DENND5B: variants seen among roughly 807,000 people sequenced by gnomAD.
DENND5B encodes the protein DENN domain containing 5B.
DENND5B carries 34 observed loss-of-function variants against 140.6 expected under a neutral mutation model. The ratio of observed to expected loss-of-function variants is 0.24; its 90% CI spans 0.18 to 0.32. DENND5B has a LOEUF of 0.32. DENND5B is among the 10% of genes least tolerant of loss of function. The probability of loss-of-function intolerance (pLI) is 1.00; values close to 1 mark genes in which losing one functional copy is unlikely to be tolerated. For missense variants in DENND5B, 1,142 were observed against 1,560.2 expected (o/e 0.73, Z 4.52); for synonymous variants, 551 against 562.1 (o/e 0.98, Z 0.28).
At chr12:31,387,957 G>A (rs1424706485) in intron 20 of DENND5B, among the ~76,000 whole-genome samples, 171 bp from the exon 21 acceptor site, 5 of 152,104 alleles carry the variant, frequency 3.3e-5, no homozygotes, top group Non-Finnish European at 7.4e-5. Context: ...ATATTTTCTG[G>A]TAAAAAGACA....
chr12:31,497,058 G>C (rs1414977030), intron 1 of DENND5B, among the ~76,000 whole-genome samples: 1 of 151,132 alleles, frequency 6.6e-6, no homozygotes, highest in Admixed American at 6.6e-5. Context: ...TTTATGAATT[G>C]TATTTGACTT....
In DENND5B at chr12:31,590,903, C is replaced by A; in HGVS notation, c.-71G>T. ...GGCTTTCTGCGGAGGCTGCCACCAC[C>A]GCTCCGGCTGTGGTCTGTGCGCCCG... On this transcript the variant is annotated 5_prime_UTR_variant, in exon 1 of 21. Transcript: ENST00000389082. The A allele has an allele frequency of 8.6e-7, 1 of 1,165,614 alleles. No homozygotes were observed. Among genetic ancestry groups the A allele is most frequent in the Non-Finnish European group, 1.1e-6 (1 of 947,854 alleles). 72.2% of individuals were successfully genotyped at this position (1,165,614 alleles called of 1,614,324 possible).
chr12:31,514,194 A>G (rs1262390), intron 1 of DENND5B, among the ~76,000 whole-genome samples: 124,228 of 152,118 alleles, frequency 0.82, 51,063 homozygotes, highest in African/African-American at 0.9. Flanking sequence ...AATAGGGGAA[A>G]GTTGGTAATA....
intron 1 of DENND5B, among the ~76,000 whole-genome samples, chr12:31,502,934 C>T (rs950885237): frequency 2.0e-5 from 3 of 152,144 alleles, no homozygotes; most frequent in African/African-American, 7.2e-5. Flanking sequence ...CTCTGAGGAA[C>T]AGCCAGGGCT....
chr12:31,578,742 T>C (rs945104545), intron 1 of DENND5B, among the ~76,000 whole-genome samples: 13 of 151,992 alleles, frequency 8.6e-5, no homozygotes, highest in Non-Finnish European at 1.9e-4. Flanking sequence ...CACCCAGCAG[T>C]TGAGGACAGC....
intron 14 of DENND5B, 92 bp downstream of exon 14, chr12:31,409,171 T>C: frequency 7.6e-7 from 1 of 1,311,018 alleles, no homozygotes; most frequent in East Asian, 2.6e-5. Context: ...CAATGTCACA[T>C]GTACTATGGC....
chr12:31,408,316 T>C (rs117677142), intron 14 of DENND5B, among the ~76,000 whole-genome samples: 3,096 of 146,266 alleles, frequency 0.021, 53 homozygotes, highest in South Asian at 0.056. Flanking sequence ...CCAAAAACAA[T>C]AACAACAACA....
At chr12:31,391,512 T>C (rs1941143940) in intron 19 of DENND5B, among the ~76,000 whole-genome samples, 1 of 152,230 alleles carries the variant, frequency 6.6e-6, no homozygotes, top group African/African-American at 2.4e-5. Flanking sequence ...CCGACCTGAG[T>C]ATAAGTTTGT....
At chr12:31,449,537 T>C (rs1944415439) in intron 5 of DENND5B, among the ~76,000 whole-genome samples, 1 of 152,164 alleles carries the variant, frequency 6.6e-6, no homozygotes, top group South Asian at 2.1e-4. Flanking sequence ...TCCTGCAGAT[T>C]TTCCTAGTGA....
At chr12:31,590,671 G>T in intron 1 of DENND5B, 35 bp downstream of exon 1, 1 of 1,442,710 alleles carries the variant, frequency 6.9e-7, no homozygotes, top group East Asian at 3.1e-5. Flanking sequence ...CCGCGCCCCT[G>T]AGGGGGCTCA....
chr12:31,521,557 A>G (rs150787162), intron 1 of DENND5B, among the ~76,000 whole-genome samples: 90 of 152,300 alleles, frequency 5.9e-4, no homozygotes, highest in African/African-American at 2.0e-3. Flanking sequence ...AAACAGTTTC[A>G]TTTTTGTTAG....
intron 3 of DENND5B, among the ~76,000 whole-genome samples, chr12:31,479,091 A>G (rs1008821505): frequency 6.6e-6 from 1 of 152,184 alleles, no homozygotes; most frequent in Non-Finnish European, 1.5e-5. Context: ...TCTCACTCAG[A>G]TGAAATGCTC....
intron 15 of DENND5B, among the ~76,000 whole-genome samples, chr12:31,400,810 A>G (rs1941748062): frequency 7.1e-6 from 1 of 141,036 alleles, no homozygotes; most frequent in Non-Finnish European, 1.6e-5. Context: ...TATTCACTCT[A>G]TTTTTTTGTA....
intron 1 of DENND5B, among the ~76,000 whole-genome samples, chr12:31,496,268 A>C (rs1946758021): frequency 6.6e-6 from 1 of 152,244 alleles, no homozygotes; most frequent in Non-Finnish European, 1.5e-5. Context: ...AAAGTCTTAC[A>C]TTAAGCTAAT....
At chr12:31,564,089 G>A (rs183616579) in intron 1 of DENND5B, among the ~76,000 whole-genome samples, 1 of 152,174 alleles carries the variant, frequency 6.6e-6, no homozygotes, top group African/African-American at 2.4e-5. Flanking sequence ...CTGCACTCCA[G>A]CCTGGGCAAC....
In DENND5B at chr12:31,387,552, CCTAGTT is replaced by C; in HGVS notation, c.*45_*50del. On this transcript the variant is annotated 3_prime_UTR_variant, in exon 21 of 21. Transcript: ENST00000389082. ...CTGTCAGACAAGTCCAAATCGGTCC[CCTAGTT>C]GGGGAAGGAGCAAGGTTTGGACTGA... 1 of 1,579,544 alleles carries C rather than the reference CCTAGTT, an allele frequency of 6.3e-7. No individual in the cohort carries two copies. Among genetic ancestry groups the C allele is most frequent in the East Asian group, 2.3e-5 (1 of 44,324 alleles).
chr12:31,549,777 T>C (rs1344106920), intron 1 of DENND5B, among the ~76,000 whole-genome samples: 1 of 151,624 alleles, frequency 6.6e-6, no homozygotes, highest in East Asian at 2.0e-4. Context: ...CACCTCCCAT[T>C]TGTAAGTGAG....
rs1245490256 is a variant in DENND5B at position 31,452,201 on chromosome 12, G to A, written c.1368C>T (p.Arg456=). 6.2e-7 allele frequency: 1 copy of A among 1,613,838 alleles called. No homozygotes were observed. The highest frequency in any genetic ancestry group is 1.7e-5 in the Admixed American group (1 of 59,992). The change falls in exon 5 of 21, where the codon CGC becomes CGT. Residue 456 remains arginine, a synonymous_variant. Coordinates refer to ENST00000389082, the MANE Select transcript of DENND5B (RefSeq NM_144973.4). ...ELLKGNETIA[R]LQALAKRTGV... is the part of the protein sequence containing the mutation. ...CAGTACGCTTGGCCAGAGCCTGCAA[G>A]CGGGCTATGGTTTCATTGCCCTTCA...
At chr12:31,462,142 A>G (rs1380950386) in intron 3 of DENND5B, among the ~76,000 whole-genome samples, 1 of 152,190 alleles carries the variant, frequency 6.6e-6, no homozygotes, top group Non-Finnish European at 1.5e-5. Context: ...GGTCAGTCAT[A>G]CGAGCACAAA....
Sources: allele counts gnomAD v4.1 joint callset (sites outside exome capture counted in the v4.1 genomes callset), GRCh38; gene constraint gnomAD v4.1.1; transcripts MANE v1.5; gene names NCBI Gene and HGNC (gene_info 2026-07-23, HGNC 2026-07-21).